Variants in GNB1 observed in about 807,000 individuals in gnomAD.
The protein encoded by GNB1 is G protein subunit beta 1.
Under a neutral mutation model 42.9 loss-of-function variants are expected in GNB1, and 2 were observed. The ratio of observed to expected loss-of-function variants is 0.05; its 90% CI spans 0.02 to 0.15. The LOEUF (loss-of-function observed/expected upper bound fraction) is 0.15, where lower values mean the gene tolerates loss of function less well. Among genes scored for constraint, GNB1 ranks in the 10% least tolerant of loss-of-function variants. GNB1 has a pLI of 1.00. For missense variants in GNB1, 193 were observed against 462.2 expected (o/e 0.42, Z 5.34); for synonymous variants, 183 against 174.7 (o/e 1.05, Z -0.38).
chr1:1,818,794 C>T (rs1263296444), intron 3 of GNB1, among the ~76,000 whole-genome samples: 2 of 151,954 alleles, frequency 1.3e-5, no homozygotes, highest in Non-Finnish European at 2.9e-5. Context: ...ACCCGGGAGG[C>T]GGAGGTTGCA....
chr1:1,800,478 TAAC>T (rs1220681872), intron 7 of GNB1, among the ~76,000 whole-genome samples: 5 of 152,006 alleles, frequency 3.3e-5, no homozygotes, highest in South Asian at 2.1e-4. Flanking sequence ...TAAGTGGTGC[TAAC>T]AACAACAAAA....
rs1467521660 is a variant in GNB1, at chr1:1,787,329, C to T, written c.*2G>A. 4.5e-6 allele frequency: 7 copies of T among 1,558,124 alleles called. No homozygotes were observed. The highest frequency in any genetic ancestry group is 1.4e-5 in the African/African-American group (1 of 73,762). On this transcript the variant is annotated 3_prime_UTR_variant, in exon 11 of 12. Transcript: ENST00000378609. The surrounding 1 kb of genome is among the most constrained non-coding windows in gnomAD (Gnocchi z 4.4). ...TTTGGGCTGCTGCATTACCTACTGGCGTTAGTTCCAGATCTTGAGGAAGCT... is the reference window on the plus strand; with the variant it reads ...TTTGGGCTGCTGCATTACCTACTGGTGTTAGTTCCAGATCTTGAGGAAGCT...
intron 5 of GNB1, among the ~76,000 whole-genome samples, chr1:1,807,696 G>A (rs576242554): frequency 2.7e-4 from 41 of 151,462 alleles, no homozygotes; most frequent in African/African-American, 2.4e-4. Context: ...TAACTATCAC[G>A]AATTTTTTCT....
intron 1 of GNB1, among the ~76,000 whole-genome samples, chr1:1,875,026 G>A (rs968139603): frequency 6.6e-5 from 10 of 152,076 alleles, no homozygotes; most frequent in Admixed American, 2.0e-4. Context: ...AGTTCATGAC[G>A]GGGTTCACGC....
chr1:1,859,085 G>A (rs983171954), intron 1 of GNB1, among the ~76,000 whole-genome samples: 10 of 150,808 alleles, frequency 6.6e-5, no homozygotes, highest in African/African-American at 2.0e-4. Context: ...GCAATAGCGC[G>A]ATCTCAGCTC....
intron 9 of GNB1, 126 bp from the exon 10 acceptor site, chr1:1,789,395 T>C: frequency 1.5e-6 from 1 of 654,486 alleles, no homozygotes; most frequent in Non-Finnish European, 2.7e-6. Context: ...TGTGCTCTGG[T>C]AAGAACAGAG....
At chr1:1,826,100 TC>T (rs1646994526) in intron 2 of GNB1, among the ~76,000 whole-genome samples, 2 of 152,044 alleles carry the variant, frequency 1.3e-5, no homozygotes, top group South Asian at 4.1e-4. Flanking sequence ...AATCTAGGTC[TC>T]CCTATAAATC....
At chr1:1,866,058 C>T (rs780632101) in intron 1 of GNB1, among the ~76,000 whole-genome samples, 1 of 152,080 alleles carries the variant, frequency 6.6e-6, no homozygotes, top group Admixed American at 6.5e-5. Flanking sequence ...CCTGCCTCAG[C>T]CTCCCAAGTA....
intron 2 of GNB1, among the ~76,000 whole-genome samples, chr1:1,829,108 G>C (rs1393880648): frequency 6.6e-6 from 1 of 152,128 alleles, no homozygotes; most frequent in Non-Finnish European, 1.5e-5. Flanking sequence ...CCAGGCTGCA[G>C]TGCAATGATG....
chr1:1,842,155 G>A (rs557840114), intron 1 of GNB1, among the ~76,000 whole-genome samples: 1 of 152,298 alleles, frequency 6.6e-6, no homozygotes, highest in East Asian at 1.9e-4. Flanking sequence ...AAATTGCCAG[G>A]CACGGTGGCT....
At chr1:1,868,959 C>T (rs564728361) in intron 1 of GNB1, among the ~76,000 whole-genome samples, 4 of 150,732 alleles carry the variant, frequency 2.7e-5, no homozygotes, top group South Asian at 4.2e-4. Context: ...CTGAGGTGGA[C>T]GGACCACGAG....
At chr1:1,866,506 T>C (rs1217729162) in intron 1 of GNB1, among the ~76,000 whole-genome samples, 1 of 152,190 alleles carries the variant, frequency 6.6e-6, no homozygotes, top group Non-Finnish European at 1.5e-5. Context: ...TGCCTTAATT[T>C]AACCAATCTA....
At chr1:1,884,132 A>ATT (rs200884371) in intron 1 of GNB1, among the ~76,000 whole-genome samples, 3 of 137,056 alleles carry the variant, frequency 2.2e-5, no homozygotes, top group Non-Finnish European at 3.2e-5. Flanking sequence ...TGCCCGACTA[A>ATT]TTTTTTTTTT....
At chr1:1,816,821 G>C (rs903070598) in intron 4 of GNB1, among the ~76,000 whole-genome samples, 2 of 151,666 alleles carry the variant, frequency 1.3e-5, no homozygotes, top group Non-Finnish European at 2.9e-5. Flanking sequence ...GCTAATTTTT[G>C]TATTTTAGTA....
In GNB1 at chr1:1,815,621, G is replaced by C. The variant is rs751716659; in HGVS notation, c.203+135C>G. 3 of 610,578 alleles carry C rather than the reference G, an allele frequency of 4.9e-6. No homozygotes were observed. In the South Asian group the frequency reaches 5.9e-5, roughly 12 times the overall value. The allele number at this position is 610,578 out of a possible 1,614,324, so 37.8% of individuals were successfully genotyped here. On this transcript the variant is annotated intron_variant, in intron 5 of 11. Coordinates refer to ENST00000378609, the MANE Select transcript of GNB1 (RefSeq NM_002074.5). ...TGCACCTGTGAACGCTGCACCTTGC[G>C]TGCCCAGAGTTCTGATTCAACTTCC...
chr1:1,841,111 C>T (rs996598947), intron 1 of GNB1, among the ~76,000 whole-genome samples: 6 of 152,020 alleles, frequency 3.9e-5, no homozygotes, highest in Non-Finnish European at 7.4e-5. Context: ...AGTATGGTCT[C>T]GATCTCCTGA....
Position 1,800,767 on chromosome 1 carries a change from A to G in GNB1, c.430+3652T>C, listed in dbSNP as rs552992696. Among the ~76,000 whole-genome samples, 20 of 151,998 alleles carry G rather than the reference A, an allele frequency of 1.3e-4. 1 individual carries two copies. In the South Asian group the frequency reaches 2.9e-3, roughly 22 times the overall value. On this transcript the variant is annotated intron_variant, in intron 7 of 11. Transcript: ENST00000378609. ...CTTTAGATTGTTAAAAAAAAAAAAA[A>G]AAAAGAAAAATAAATTAAAAAAAGA...
At chr1:1,819,639 G>C (rs529853042) in intron 3 of GNB1, among the ~76,000 whole-genome samples, 1 of 152,026 alleles carries the variant, frequency 6.6e-6, no homozygotes, top group East Asian at 1.9e-4. Flanking sequence ...CCTGGGCTCA[G>C]GTGACCCTCC....
At position 1,786,180 on chromosome 1, in the gene GNB1, A is replaced by T; in HGVS notation, c.*883T>A. On this transcript the variant is annotated 3_prime_UTR_variant, in exon 12 of 12. Coordinates refer to ENST00000378609, the MANE Select transcript of GNB1 (RefSeq NM_002074.5). Reference sequence around the variant, plus strand: ...AGCACAGGACAGGCATCTCTCTTGAAAACAGAGGTTCCTCCTAGTTGGGGG... The same window carrying T: ...AGCACAGGACAGGCATCTCTCTTGATAACAGAGGTTCCTCCTAGTTGGGGG... The T allele has an allele frequency of 2.5e-6, 1 of 398,166 alleles. No homozygotes were observed. The highest frequency in any genetic ancestry group is 4.4e-6 in the Non-Finnish European group (1 of 225,738). The allele number at this position is 398,166 out of a possible 1,614,324, so 24.7% of individuals were successfully genotyped here.
Sources: allele counts gnomAD v4.1 joint callset (sites outside exome capture counted in the v4.1 genomes callset), GRCh38; gene constraint gnomAD v4.1.1; non-coding constraint Gnocchi (gnomAD v3.1); transcripts MANE v1.5; gene names NCBI Gene and HGNC (gene_info 2026-07-23, HGNC 2026-07-21).